Variants in TDRP observed in about 807,000 individuals in gnomAD.
TDRP encodes the protein testis development related protein.
A neutral mutation model predicts 10.5 loss-of-function variants in TDRP; 12 were observed. The ratio of observed to expected loss-of-function variants is 1.15; its 90% CI spans 0.73 to 1.86. TDRP has a LOEUF of 1.86. TDRP is among the 40% of genes most tolerant of loss of function. The pLI, the probability that TDRP is intolerant of heterozygous loss-of-function variation, is 0.00. For missense variants in TDRP, 353 were observed against 229.2 expected (o/e 1.54, Z -3.49); for synonymous variants, 139 against 95.4 (o/e 1.46, Z -2.67).
At chr8:507,709 TAAAG>T (rs1436845068) in intron 1 of TDRP, among the ~76,000 whole-genome samples, 1 of 151,806 alleles carries the variant, frequency 6.6e-6, no homozygotes, top group African/African-American at 2.4e-5. Context: ...ACTAAGCAAA[TAAAG>T]AGGCAAATAA....
At chr8:529,247 T>C (rs1802118433) in intron 1 of TDRP, among the ~76,000 whole-genome samples, 1 of 152,148 alleles carries the variant, frequency 6.6e-6, no homozygotes, top group African/African-American at 2.4e-5. Context: ...CACTCAGTAT[T>C]AACCATCACA....
chr8:529,440 G>A (rs1297429085), intron 1 of TDRP, among the ~76,000 whole-genome samples: 1 of 152,036 alleles, frequency 6.6e-6, no homozygotes, highest in Non-Finnish European at 1.5e-5. Flanking sequence ...TTCTGTTTTT[G>A]TCCACATATT....
At chr8:531,046 G>C (rs1011695301) in intron 1 of TDRP, among the ~76,000 whole-genome samples, 1 of 152,146 alleles carries the variant, frequency 6.6e-6, no homozygotes, top group African/African-American at 2.4e-5. Flanking sequence ...AGTCCATCAG[G>C]TGACCCCCCA....
At chr8:540,903 A>C (rs531093172) in intron 1 of TDRP, among the ~76,000 whole-genome samples, 1 of 152,250 alleles carries the variant, frequency 6.6e-6, no homozygotes, top group South Asian at 2.1e-4. Flanking sequence ...AGAATCAAGC[A>C]GAATGTGCTC....
chr8:505,458 C>A (rs1239773593), intron 1 of TDRP, among the ~76,000 whole-genome samples: 2 of 152,156 alleles, frequency 1.3e-5, no homozygotes, highest in Non-Finnish European at 2.9e-5. Flanking sequence ...ACAAGCAATC[C>A]CAATGAAGAA....
chr8:508,339 T>G (rs920343275), intron 1 of TDRP, among the ~76,000 whole-genome samples: 1 of 152,208 alleles, frequency 6.6e-6, no homozygotes, highest in Non-Finnish European at 1.5e-5. Context: ...CATTTTCACA[T>G]TGCTATAAAG....
rs140797106 is a variant in TDRP at position 516,551 on chromosome 8, C to A, written c.109-21954G>T. Among the ~76,000 whole-genome samples, 187 of 152,252 alleles carry A rather than the reference C, an allele frequency of 1.2e-3. 1 individual carries two copies. Among genetic ancestry groups the A allele is most frequent in the African/African-American group, 4.3e-3 (179 of 41,554 alleles). The stretch of plus-strand genomic sequence containing the variant: ...ATCAGGGAAATGCAAATTAAGACAG[C>A]AACAAGACACTGCCACACACCTATC... On this transcript the variant is annotated intron_variant, in intron 1 of 2. Transcript: ENST00000324079.
chr8:504,719 T>C (rs994645121), intron 1 of TDRP, among the ~76,000 whole-genome samples: 3 of 152,264 alleles, frequency 2.0e-5, no homozygotes, highest in African/African-American at 7.2e-5. Flanking sequence ...TTGCCATTTA[T>C]TTCACAATAG....
chr8:534,356 C>A (rs1276488409), intron 1 of TDRP, among the ~76,000 whole-genome samples: 1 of 152,246 alleles, frequency 6.6e-6, no homozygotes, highest in Non-Finnish European at 1.5e-5. Context: ...CCGCGAGCCT[C>A]TGAATAACAA....
intron 1 of TDRP, among the ~76,000 whole-genome samples, chr8:501,042 T>C (rs1418901719): frequency 3.9e-5 from 6 of 151,958 alleles, no homozygotes; most frequent in Non-Finnish European, 7.4e-5. Context: ...CCGTCTCTAC[T>C]AAAAATACAA....
At chr8:497,938 G>C (rs900072163) in intron 1 of TDRP, among the ~76,000 whole-genome samples, 1 of 152,176 alleles carries the variant, frequency 6.6e-6, no homozygotes, top group Non-Finnish European at 1.5e-5. Flanking sequence ...TTTCTACATG[G>C]TATTGGGCCT....
At chr8:506,533 G>A (rs140821956) in intron 1 of TDRP, among the ~76,000 whole-genome samples, 1 of 152,334 alleles carries the variant, frequency 6.6e-6, no homozygotes, top group African/African-American at 2.4e-5. Context: ...CGGGAAGGAG[G>A]CGCTGCTGTG....
At chr8:517,280 T>A (rs1298117194) in intron 1 of TDRP, among the ~76,000 whole-genome samples, 1 of 152,138 alleles carries the variant, frequency 6.6e-6, no homozygotes, top group East Asian at 1.9e-4. Flanking sequence ...ATATTTCACA[T>A]ATTTTGGAAT....
At chr8:511,111 T>C (rs1366636650) in intron 1 of TDRP, among the ~76,000 whole-genome samples, 1 of 152,100 alleles carries the variant, frequency 6.6e-6, no homozygotes, top group Admixed American at 6.5e-5. Context: ...AAAAGGGAAA[T>C]GGCAGATGTA....
At chr8:538,272 G>T (rs893622883) in intron 1 of TDRP, among the ~76,000 whole-genome samples, 10 of 152,190 alleles carry the variant, frequency 6.6e-5, no homozygotes, top group African/African-American at 2.2e-4. Context: ...AAGGCCAGGG[G>T]ATGAGGAACT....
intron 2 of TDRP, among the ~76,000 whole-genome samples, chr8:492,997 A>G (rs62484363): frequency 0.098 from 14,907 of 152,248 alleles, 793 homozygotes; most frequent in South Asian, 0.16. Context: ...CTGACAAGAA[A>G]GAAGTATTAT....
At chr8:510,061 C>T (rs1181065259) in intron 1 of TDRP, among the ~76,000 whole-genome samples, 2 of 152,148 alleles carry the variant, frequency 1.3e-5, no homozygotes, top group Non-Finnish European at 2.9e-5. Flanking sequence ...AGAGCTGTGC[C>T]CACTCCCCAG....
intron 1 of TDRP, among the ~76,000 whole-genome samples, chr8:499,904 T>C (rs1381744595): frequency 1.3e-5 from 2 of 152,210 alleles, no homozygotes; most frequent in Admixed American, 6.5e-5. Context: ...GCCTAAGTGC[T>C]GCTCATGGTA....
intron 1 of TDRP, among the ~76,000 whole-genome samples, chr8:509,740 T>A (rs1801561409): frequency 6.6e-6 from 1 of 152,214 alleles, no homozygotes; most frequent in South Asian, 2.1e-4. Flanking sequence ...CCTTGCTACT[T>A]AACGCAAATT....
Sources: allele counts gnomAD v4.1 joint callset (sites outside exome capture counted in the v4.1 genomes callset), GRCh38; gene constraint gnomAD v4.1.1; transcripts MANE v1.5; gene names NCBI Gene and HGNC (gene_info 2026-07-23, HGNC 2026-07-21).